ASCC3: variants seen among roughly 807,000 people sequenced by gnomAD.
ASCC3 encodes the protein activating signal cointegrator 1 complex subunit 3.
ASCC3 carries 158 observed loss-of-function variants against 256.3 expected under a neutral mutation model. The ratio of observed to expected loss-of-function variants is 0.62; its 90% CI spans 0.54 to 0.70. The LOEUF (loss-of-function observed/expected upper bound fraction) is 0.70, where lower values mean the gene tolerates loss of function less well. Among genes scored for constraint, ASCC3 ranks in the 30% least tolerant of loss-of-function variants. The pLI, the probability that ASCC3 is intolerant of heterozygous loss-of-function variation, is 0.00. For synonymous variants in ASCC3, 948 were observed against 883.4 expected (o/e 1.07, Z -1.30); for missense variants, 2,259 against 2,626.0 (o/e 0.86, Z 3.05).
chr6:100,812,660 C>G (rs777041410), intron 4 of ASCC3, among the ~76,000 whole-genome samples: 3 of 152,098 alleles, frequency 2.0e-5, no homozygotes, highest in Non-Finnish European at 4.4e-5. Flanking sequence ...CCAGGAATGG[C>G]GGCTCCTACC....
intron 3 of ASCC3, chr6:100,859,171 C>T (rs758077737): frequency 1.0e-5 from 8 of 779,918 alleles, no homozygotes; most frequent in South Asian, 9.4e-5. Context: ...CTTTTCCATC[C>T]AGCCTCCTCT....
chr6:100,723,615 G>GA (rs1318577506), intron 11 of ASCC3, among the ~76,000 whole-genome samples: 1 of 150,606 alleles, frequency 6.6e-6, no homozygotes, highest in African/African-American at 2.4e-5. Context: ...GAGGTATTTA[G>GA]AAAAAAATAT....
chr6:100,596,299 T>C (rs1772292559), intron 34 of ASCC3, among the ~76,000 whole-genome samples: 1 of 152,194 alleles, frequency 6.6e-6, no homozygotes, highest in African/African-American at 2.4e-5. Context: ...GTAATGATAT[T>C]TTGTTAGGGA....
intron 14 of ASCC3, among the ~76,000 whole-genome samples, chr6:100,672,373 T>G (rs1224875369): frequency 6.6e-6 from 1 of 152,044 alleles, no homozygotes; most frequent in Non-Finnish European, 1.5e-5. Flanking sequence ...GGAGTCTTAC[T>G]GTATTGCCTG....
intron 10 of ASCC3, among the ~76,000 whole-genome samples, chr6:100,746,627 T>C (rs1164855702): frequency 6.6e-6 from 1 of 152,044 alleles, no homozygotes; most frequent in Non-Finnish European, 1.5e-5. Flanking sequence ...ATAACATTCT[T>C]TGCTGTTATC....
At chr6:100,537,287 C>T (rs576770366) in intron 37 of ASCC3, among the ~76,000 whole-genome samples, 3 of 152,152 alleles carry the variant, frequency 2.0e-5, no homozygotes, top group Non-Finnish European at 4.4e-5. Context: ...AAGAATACCA[C>T]AAACTTAAAT....
intron 36 of ASCC3, among the ~76,000 whole-genome samples, chr6:100,562,768 A>T (rs1427872021): frequency 6.6e-6 from 1 of 152,100 alleles, no homozygotes; most frequent in Non-Finnish European, 1.5e-5. Flanking sequence ...ATTCCTAAAA[A>T]TGCAATTGAA....
intron 36 of ASCC3, among the ~76,000 whole-genome samples, chr6:100,543,575 A>G (rs1775568013): frequency 6.6e-6 from 1 of 152,096 alleles, no homozygotes; most frequent in Non-Finnish European, 1.5e-5. Flanking sequence ...AATTTCAGAT[A>G]AAGTACATTT....
Position 100,711,777 on chromosome 6 carries a change from T to C in ASCC3, c.2151+3685A>G, listed in dbSNP as rs578186470. ...CTATCATAGACTAGAAAAGGTTCTC[T>C]TGTGATGGAAGAAATGCCACCACAA... On this transcript the variant is annotated intron_variant, in intron 13 of 41. Transcript: ENST00000369162. 2.0e-5 allele frequency among the ~76,000 whole-genome samples: 3 copies of C among 152,276 alleles called. No individual in the cohort carries two copies. The South Asian group carries it at 6.2e-4, about 32-fold the overall frequency.
At chr6:100,839,699 A>G (rs547471746) in intron 4 of ASCC3, among the ~76,000 whole-genome samples, 21 of 152,162 alleles carry the variant, frequency 1.4e-4, no homozygotes, top group Non-Finnish European at 2.6e-4. Context: ...GAAAATTGAA[A>G]AGGTTTGACT....
chr6:100,711,956 A>T (rs886602317), intron 13 of ASCC3, among the ~76,000 whole-genome samples: 26 of 152,204 alleles, frequency 1.7e-4, no homozygotes, highest in African/African-American at 6.3e-4. Context: ...AACAGAACAG[A>T]GATCCCAGAA....
chr6:100,604,238 A>C (rs918465664), intron 33 of ASCC3, among the ~76,000 whole-genome samples: 2 of 152,122 alleles, frequency 1.3e-5, no homozygotes, highest in South Asian at 4.1e-4. Flanking sequence ...TTATTATTCC[A>C]GTCTGTGATA....
intron 13 of ASCC3, among the ~76,000 whole-genome samples, chr6:100,693,396 T>C (rs1478503884): frequency 2.6e-5 from 4 of 151,992 alleles, no homozygotes; most frequent in African/African-American, 9.7e-5. Context: ...AAAAAAGCTT[T>C]CAAACTCAGT....
chr6:100,730,046 T>C (rs1035652954), intron 10 of ASCC3, among the ~76,000 whole-genome samples: 3 of 152,046 alleles, frequency 2.0e-5, no homozygotes, highest in Non-Finnish European at 2.9e-5. Context: ...GGCTCACACC[T>C]ATAATCCCAG....
At chr6:100,878,523 A>C (rs1310048259) in intron 1 of ASCC3, among the ~76,000 whole-genome samples, 1 of 152,254 alleles carries the variant, frequency 6.6e-6, no homozygotes, top group East Asian at 1.9e-4. Context: ...AGTCAGAAAG[A>C]AAATTCCAGA....
chr6:100,544,205 T>C (rs544836067), intron 36 of ASCC3, among the ~76,000 whole-genome samples: 1 of 152,110 alleles, frequency 6.6e-6, no homozygotes, highest in African/African-American at 2.4e-5. Flanking sequence ...TAAACATCTA[T>C]ATTAGAATTG....
chr6:100,865,651 T>C (rs1467473770), intron 2 of ASCC3, among the ~76,000 whole-genome samples: 1 of 152,184 alleles, frequency 6.6e-6, no homozygotes, highest in Non-Finnish European at 1.5e-5. Context: ...GTTATAAAAC[T>C]GCATAAGGAC....
chr6:100,612,476 C>G (rs919772223), intron 30 of ASCC3, among the ~76,000 whole-genome samples: 2 of 152,076 alleles, frequency 1.3e-5, no homozygotes, highest in Non-Finnish European at 2.9e-5. Flanking sequence ...ATGTCAGACT[C>G]AGACCATATG....
intron 18 of ASCC3, among the ~76,000 whole-genome samples, chr6:100,652,078 G>T (rs1209098042): frequency 6.6e-6 from 1 of 151,934 alleles, no homozygotes; most frequent in Admixed American, 6.6e-5. Context: ...AATATTACTA[G>T]TGAGGACATA....
Sources: allele counts gnomAD v4.1 joint callset (sites outside exome capture counted in the v4.1 genomes callset), GRCh38; gene constraint gnomAD v4.1.1; transcripts MANE v1.5; gene names NCBI Gene and HGNC (gene_info 2026-07-23, HGNC 2026-07-21).